Variants in ARIH2 observed in about 807,000 individuals in gnomAD.
ARIH2 encodes ariadne RBR E3 ubiquitin protein ligase 2.
ARIH2 carries 12 observed loss-of-function variants against 79.8 expected under a neutral mutation model. The observed-to-expected ratio is 0.15, with a 90% confidence interval of 0.10 to 0.24. The LOEUF is 0.24. Ranked by LOEUF, ARIH2 falls within the 10% of genes least tolerant of loss-of-function variation. The pLI is 1.00. For synonymous variants in ARIH2, 224 were observed against 213.9 expected (o/e 1.05, Z -0.41); for missense variants, 301 against 618.3 (o/e 0.49, Z 5.44).
chr3:48,941,647 C>CAGTG, intron 3 of ARIH2, among the ~76,000 whole-genome samples: 1 of 147,484 alleles, frequency 6.8e-6, no homozygotes, highest in South Asian at 2.1e-4. Context: ...GGCTGGAGTG[C>CAGTG]AGTGGCGCAA....
chr3:48,976,511 C>CCA (rs2092510280), intron 11 of ARIH2, among the ~76,000 whole-genome samples: 1 of 151,996 alleles, frequency 6.6e-6, no homozygotes, highest in East Asian at 1.9e-4. Flanking sequence ...GCTCCCGGCC[C>CCA]CAGGAGCCCT....
chr3:48,976,710 A>G (rs2092521098), intron 11 of ARIH2, among the ~76,000 whole-genome samples: 1 of 152,204 alleles, frequency 6.6e-6, no homozygotes, highest in African/African-American at 2.4e-5. Flanking sequence ...ACAGAGTTTA[A>G]AGAATAATGA....
chr3:48,965,460 C>T (rs900374020), intron 5 of ARIH2, among the ~76,000 whole-genome samples: 5 of 152,170 alleles, frequency 3.3e-5, no homozygotes, highest in Non-Finnish European at 7.4e-5. Context: ...TGAAAAGTTT[C>T]CTTATAGATA....
intron 7 of ARIH2, among the ~76,000 whole-genome samples, chr3:48,969,463 A>G (rs1031566748): frequency 2.0e-5 from 3 of 151,458 alleles, no homozygotes; most frequent in African/African-American, 7.3e-5. Context: ...TCCATGCAAT[A>G]TAATTTTCTT....
chr3:48,923,265 G>A (rs1456359578), intron 2 of ARIH2, among the ~76,000 whole-genome samples: 1 of 151,692 alleles, frequency 6.6e-6, no homozygotes, highest in African/African-American at 2.4e-5. Context: ...GCTGGGCATT[G>A]TGGCATGTGC....
At chr3:48,967,361 A>ACATGAAGTGTTTATCTTTGACTCTGCC in intron 6 of ARIH2, 86 bp downstream of exon 6, 1 of 1,440,080 alleles carries the variant, frequency 6.9e-7, no homozygotes, top group Non-Finnish European at 9.5e-7. Flanking sequence ...TAAACTGAGT[A>ACATGAAGTGTTTATCTTTGACTCTGCC]TTTTCTTCTG....
At chr3:48,956,261 C>G (rs1206095227) in intron 3 of ARIH2, among the ~76,000 whole-genome samples, 1 of 151,250 alleles carries the variant, frequency 6.6e-6, no homozygotes, top group Non-Finnish European at 1.5e-5. Flanking sequence ...GCCTCAGCCT[C>G]CCGAATACCT....
At chr3:48,924,279 CGTGAGCCACTGATACAGAT>C in intron 2 of ARIH2, among the ~76,000 whole-genome samples, 1 of 151,006 alleles carries the variant, frequency 6.6e-6, no homozygotes, top group Non-Finnish European at 1.5e-5. Flanking sequence ...ATGATACAGG[CGTGAGCCACTGATACAGAT>C]GTGAGCCACT....
At chr3:48,964,079 G>A (rs2091540931) in intron 4 of ARIH2, among the ~76,000 whole-genome samples, 1 of 151,692 alleles carries the variant, frequency 6.6e-6, no homozygotes. Flanking sequence ...CTCCCAGGCT[G>A]GAGTGCAGTA....
At chr3:48,924,447 C>G (rs1358221159) in intron 2 of ARIH2, among the ~76,000 whole-genome samples, 1 of 150,954 alleles carries the variant, frequency 6.6e-6, no homozygotes, top group Non-Finnish European at 1.5e-5. Flanking sequence ...CTTGACCTTC[C>G]AGGCCCAAGC....
At chr3:48,978,465 GTATA>G (rs1232911399) in intron 11 of ARIH2, among the ~76,000 whole-genome samples, 16 of 75,472 alleles carry the variant, frequency 2.1e-4, no homozygotes, top group East Asian at 1.7e-3. Context: ...GTGTGTGTGT[GTATA>G]TATATATATA....
In ARIH2 at chr3:48,983,397, A is replaced by G; in HGVS notation, c.*127A>G. The G allele has an allele frequency of 1.2e-6, 1 of 813,544 alleles. No individual in the cohort carries two copies. Among genetic ancestry groups the G allele is most frequent in the Non-Finnish European group, 2.1e-6 (1 of 478,266 alleles). The allele number at this position is 813,544 out of a possible 1,614,324, so 50.4% of individuals were successfully genotyped here. The stretch of plus-strand genomic sequence containing the variant: ...AGCCAGGGCCCCACTCCTGAGAGAC[A>G]CTGGCAACACCTCTTAGTTGATTTC... On this transcript the variant is annotated 3_prime_UTR_variant, in exon 16 of 16. Transcript: ENST00000356401.
chr3:48,927,630 GGAAGAA>G lies in ARIH2; in HGVS notation c.84_89del (p.Glu28_Glu29del), dbSNP rs367899872. 3.7e-6 allele frequency: 6 copies of G among 1,612,470 alleles called. No individual in the cohort carries two copies. In the South Asian group the frequency reaches 4.4e-5, roughly 12 times the overall value. On this transcript the variant is annotated inframe_deletion, in exon 3 of 16. Coordinates refer to ENST00000356401, the MANE Select transcript of ARIH2 (RefSeq NM_006321.4). ...ACTATGACCCAAATTGTGAGGAAGA[GGAAGAA>G]GAAGAAGAAGACGACCCTGGGGACA...
chr3:48,979,252 G>C (rs1251112989), intron 11 of ARIH2, among the ~76,000 whole-genome samples: 1 of 152,148 alleles, frequency 6.6e-6, no homozygotes, highest in Non-Finnish European at 1.5e-5. Context: ...TGTGCTCATG[G>C]AATAGAAATT....
rs976147397 is a variant in ARIH2, at chr3:48,985,862, C to A, written c.*2592C>A. On this transcript the variant is annotated 3_prime_UTR_variant, in exon 16 of 16. Transcript: ENST00000356401. ...TACTGATATAAATGTCCCAACCCCC[C>A]CATTCTGAGACCTCCGGACCCCTCC... is the stretch of plus-strand genomic sequence containing the variant. 1 of 152,232 alleles carries A rather than the reference C, an allele frequency of 6.6e-6. No individual in the cohort carries two copies. Among genetic ancestry groups the A allele is most frequent in the African/African-American group, 2.4e-5 (1 of 41,428 alleles). The allele number at this position is 152,232 out of a possible 1,614,324, so 9.4% of individuals were successfully genotyped here.
intron 13 of ARIH2, among the ~76,000 whole-genome samples, chr3:48,981,344 A>G (rs967081295): frequency 1.3e-5 from 2 of 152,008 alleles, no homozygotes; most frequent in Non-Finnish European, 2.9e-5. Context: ...AAAAAAAAAA[A>G]AGGTTGTCTT....
At chr3:48,973,165 C>T (rs985143903) in intron 8 of ARIH2, among the ~76,000 whole-genome samples, 4 of 152,198 alleles carry the variant, frequency 2.6e-5, no homozygotes, top group Non-Finnish European at 4.4e-5. Context: ...AGCTCTAGGC[C>T]GGGCACAGTG....
At chr3:48,981,342 A>T (rs1214705741) in intron 13 of ARIH2, among the ~76,000 whole-genome samples, 1 of 152,112 alleles carries the variant, frequency 6.6e-6, no homozygotes, top group Non-Finnish European at 1.5e-5. Flanking sequence ...AAAAAAAAAA[A>T]AAAGGTTGTC....
At chr3:48,957,841 G>C (rs553708874) in intron 3 of ARIH2, among the ~76,000 whole-genome samples, 2 of 152,096 alleles carry the variant, frequency 1.3e-5, no homozygotes, top group African/African-American at 4.8e-5. Context: ...TCAACTTCCC[G>C]AGTAGCTGGG....
Sources: gnomAD v4.1 joint callset for allele counts (sites outside exome capture counted in the v4.1 genomes callset) on GRCh38, gnomAD v4.1.1 for gene constraint, MANE v1.5 for transcripts, NCBI Gene and HGNC (gene_info 2026-07-23, HGNC 2026-07-21) for gene names.